Variants in CADPS2 observed in about 807,000 individuals in gnomAD.
CADPS2 encodes calcium dependent secretion activator 2, also known as calcium-dependent secretion activator 2.
Under a neutral mutation model 172.5 loss-of-function variants are expected in CADPS2, and 93 were observed. The observed-to-expected ratio is 0.54, with a 90% confidence interval of 0.46 to 0.64. The LOEUF (loss-of-function observed/expected upper bound fraction) is 0.64, where lower values mean the gene tolerates loss of function less well. Ranked by LOEUF, CADPS2 falls within the 30% of genes least tolerant of loss-of-function variation. The pLI is 0.00. For synonymous variants in CADPS2, 546 were observed against 555.2 expected (o/e 0.98, Z 0.23); for missense variants, 1,420 against 1,565.9 (o/e 0.91, Z 1.57).
intron 1 of CADPS2, among the ~76,000 whole-genome samples, chr7:122,750,218 A>ATCTG (rs2092894236): frequency 6.6e-6 from 1 of 152,158 alleles, no homozygotes; most frequent in Non-Finnish European, 1.5e-5. Context: ...AGGGGTGCCA[A>ATCTG]ATTAAATACA....
At chr7:122,649,898 A>ATTTCTTTTTTTT (rs2078958309) in intron 3 of CADPS2, among the ~76,000 whole-genome samples, 1 of 51,974 alleles carries the variant, frequency 1.9e-5, no homozygotes, top group Non-Finnish European at 3.3e-5. Flanking sequence ...GTATTCAATG[A>ATTTCTTTTTTTT]TTTTTTTTTT....
intron 6 of CADPS2, among the ~76,000 whole-genome samples, chr7:122,590,043 T>C (rs1289100163): frequency 6.6e-6 from 1 of 151,836 alleles, no homozygotes; most frequent in African/African-American, 2.4e-5. Context: ...CTATGCAAAA[T>C]GACCAGTGGT....
At chr7:122,322,509 C>G (rs118062639) in intron 29 of CADPS2, among the ~76,000 whole-genome samples, 2 of 152,300 alleles carry the variant, frequency 1.3e-5, no homozygotes, top group Non-Finnish European at 2.9e-5. Context: ...TTGGCTCTTG[C>G]TTAAGACAAG....
intron 9 of CADPS2, among the ~76,000 whole-genome samples, chr7:122,498,829 T>A (rs1367522255): frequency 2.6e-5 from 4 of 152,204 alleles, no homozygotes; most frequent in Non-Finnish European, 5.9e-5. Context: ...ATAATTTATG[T>A]ATGTGAGAGC....
chr7:122,659,022 T>G (rs1030885247), intron 3 of CADPS2, among the ~76,000 whole-genome samples: 3 of 151,998 alleles, frequency 2.0e-5, no homozygotes, highest in East Asian at 3.9e-4. Context: ...AAAGCCTTAG[T>G]TACCTCAGTT....
At chr7:122,488,763 A>C (rs2058053404) in intron 11 of CADPS2, among the ~76,000 whole-genome samples, 1 of 152,250 alleles carries the variant, frequency 6.6e-6, no homozygotes, top group Admixed American at 6.5e-5. Flanking sequence ...TTGAATTATA[A>C]TCTGTGACTC....
At chr7:122,414,629 GT>G (rs966270697) in intron 18 of CADPS2, among the ~76,000 whole-genome samples, 2 of 152,084 alleles carry the variant, frequency 1.3e-5, no homozygotes, top group Admixed American at 1.3e-4. Context: ...TCCATAACAA[GT>G]TCACACATGA....
At chr7:122,728,847 A>G (rs2091360670) in intron 2 of CADPS2, among the ~76,000 whole-genome samples, 2 of 151,880 alleles carry the variant, frequency 1.3e-5, no homozygotes, top group Admixed American at 6.6e-5. Flanking sequence ...TAATGATCAA[A>G]TTAGGGTATT....
intron 9 of CADPS2, among the ~76,000 whole-genome samples, chr7:122,503,999 G>C (rs1446887495): frequency 6.6e-6 from 1 of 152,070 alleles, no homozygotes; most frequent in Admixed American, 6.6e-5. Flanking sequence ...ACCATATTAA[G>C]GTATTTCAAC....
chr7:122,721,940 A>G (rs1026034088), intron 2 of CADPS2, among the ~76,000 whole-genome samples: 1 of 152,088 alleles, frequency 6.6e-6, no homozygotes, highest in East Asian at 1.9e-4. Context: ...AAGACAAAAA[A>G]CACATGATTA....
intron 1 of CADPS2, among the ~76,000 whole-genome samples, chr7:122,750,575 G>A (rs1467106022): frequency 6.6e-6 from 1 of 151,984 alleles, no homozygotes; most frequent in African/African-American, 2.4e-5. Context: ...TTTCAGTGTT[G>A]TCTGAAAAAG....
chr7:122,447,901 T>C (rs2052513144), intron 15 of CADPS2, among the ~76,000 whole-genome samples: 1 of 152,022 alleles, frequency 6.6e-6, no homozygotes, highest in Non-Finnish European at 1.5e-5. Context: ...TTTTGGTAAA[T>C]TCTACAGTTC....
intron 27 of CADPS2, among the ~76,000 whole-genome samples, chr7:122,350,935 T>A: frequency 6.6e-6 from 1 of 151,974 alleles, no homozygotes; most frequent in East Asian, 1.9e-4. Flanking sequence ...CCCTCTAGCC[T>A]GGGTGACAAA....
At chr7:122,552,071 C>T (rs2064372650) in intron 8 of CADPS2, among the ~76,000 whole-genome samples, 1 of 152,108 alleles carries the variant, frequency 6.6e-6, no homozygotes, top group Admixed American at 6.6e-5. Flanking sequence ...AGAACAGATG[C>T]TTAGGTTAAA....
At chr7:122,487,517 T>C (rs748903809) in intron 11 of CADPS2, among the ~76,000 whole-genome samples, 2 of 151,852 alleles carry the variant, frequency 1.3e-5, no homozygotes, top group Non-Finnish European at 2.9e-5. Flanking sequence ...AGAATAAATA[T>C]GGATAGCAAA....
intron 7 of CADPS2, among the ~76,000 whole-genome samples, chr7:122,559,770 CAAAAAAA>C (rs71161306): frequency 0.07 from 5,962 of 85,062 alleles, 198 homozygotes; most frequent in African/African-American, 0.15. Context: ...GACTCCACCT[CAAAAAAA>C]AAAAAAAAAA....
intron 7 of CADPS2, among the ~76,000 whole-genome samples, chr7:122,578,675 T>A (rs1328053560): frequency 2.0e-5 from 3 of 152,138 alleles, no homozygotes; most frequent in Non-Finnish European, 4.4e-5. Context: ...CCAAATAAAT[T>A]GGAAGACATT....
chr7:122,732,164 A>G (rs1271398821), intron 2 of CADPS2, among the ~76,000 whole-genome samples: 1 of 151,762 alleles, frequency 6.6e-6, no homozygotes, highest in Non-Finnish European at 1.5e-5. Flanking sequence ...TAATCCTGGA[A>G]TAATCTAGCT....
At chr7:122,717,464 T>C (rs2089775920) in intron 2 of CADPS2, among the ~76,000 whole-genome samples, 1 of 152,124 alleles carries the variant, frequency 6.6e-6, no homozygotes, top group Non-Finnish European at 1.5e-5. Flanking sequence ...ATAAGACACT[T>C]ACTTATGACA....
Sources: gnomAD v4.1 joint callset for allele counts (sites outside exome capture counted in the v4.1 genomes callset) on GRCh38, gnomAD v4.1.1 for gene constraint, MANE v1.5 for transcripts, NCBI Gene and HGNC (gene_info 2026-07-23, HGNC 2026-07-21) for gene names.